Variants in ZNF516 observed in about 807,000 individuals in gnomAD.
ZNF516 encodes the protein zinc finger protein 516.
ZNF516 carries 19 observed loss-of-function variants against 79.7 expected under a neutral mutation model. The ratio of observed to expected loss-of-function variants is 0.24; its 90% CI spans 0.17 to 0.35. The LOEUF (loss-of-function observed/expected upper bound fraction) is 0.35, where lower values mean the gene tolerates loss of function less well. ZNF516 is among the 10% of genes least tolerant of loss of function. ZNF516 has a pLI of 1.00. For missense variants in ZNF516, 1,678 were observed against 1,679.5 expected, an observed-to-expected ratio of 1.00 and a Z score of 0.02; for synonymous variants, 877 against 739.5, an observed-to-expected ratio of 1.19 and a Z score of -3.02.
intron 2 of ZNF516, among the ~76,000 whole-genome samples, chr18:76,452,405 T>TA: frequency 6.6e-6 from 1 of 152,222 alleles, no homozygotes; most frequent in East Asian, 1.9e-4. Context: ...GCCAGCATGC[T>TA]AGTCCCCAAA....
chr18:76,491,191 G>C (rs949033971), intron 1 of ZNF516: 1 of 836,472 alleles, frequency 1.2e-6, no homozygotes, highest in Non-Finnish European at 1.4e-6. Context: ...CCCGGAGCCC[G>C]GTCCACGCCG....
intron 3 of ZNF516, among the ~76,000 whole-genome samples, chr18:76,431,406 T>C (rs115865084): frequency 0.018 from 2,679 of 152,318 alleles, 76 homozygotes; most frequent in African/African-American, 0.059. Context: ...CAGATTCCTT[T>C]AAGAACTGAC....
intron 3 of ZNF516, among the ~76,000 whole-genome samples, chr18:76,434,621 C>G (rs984500983): frequency 2.0e-5 from 3 of 152,226 alleles, no homozygotes; most frequent in African/African-American, 7.2e-5. Flanking sequence ...ACGGCTGTGG[C>G]TGTGGGACAT....
intron 2 of ZNF516, among the ~76,000 whole-genome samples, chr18:76,460,773 A>G (rs1913050884): frequency 6.6e-6 from 1 of 152,206 alleles, no homozygotes. Flanking sequence ...AGCTACAGTG[A>G]AAATAAGAAT....
intron 3 of ZNF516, among the ~76,000 whole-genome samples, chr18:76,409,009 AAAG>A (rs1249992635): frequency 9.2e-5 from 14 of 152,122 alleles, no homozygotes; most frequent in Non-Finnish European, 1.5e-4. Context: ...TTCAGAAAAC[AAAG>A]AAGCTATAAA....
At chr18:76,473,451 C>A (rs1913972844) in intron 1 of ZNF516, among the ~76,000 whole-genome samples, 1 of 148,294 alleles carries the variant, frequency 6.7e-6, no homozygotes, top group Non-Finnish European at 1.5e-5. Context: ...CAAACAAAAG[C>A]AACATGGAAA....
intron 2 of ZNF516, among the ~76,000 whole-genome samples, chr18:76,452,306 T>C (rs1912462959): frequency 1.3e-5 from 2 of 152,068 alleles, no homozygotes; most frequent in Admixed American, 6.6e-5. Flanking sequence ...GAAAACGAGG[T>C]AGAGTGAAGG....
intron 1 of ZNF516, among the ~76,000 whole-genome samples, chr18:76,485,493 G>C (rs919489511): frequency 1.2e-4 from 18 of 152,202 alleles, no homozygotes; most frequent in Non-Finnish European, 1.9e-4. Flanking sequence ...ACGTGTGGAT[G>C]AATAGAAATT....
At chr18:76,432,280 G>A (rs907369376) in intron 3 of ZNF516, among the ~76,000 whole-genome samples, 2 of 152,192 alleles carry the variant, frequency 1.3e-5, no homozygotes, top group Admixed American at 1.3e-4. Context: ...CACCCCATAG[G>A]CCTCTGCCTT....
rs562572451 is a variant in ZNF516, at chr18:76,441,576, G to A, written c.1479C>T (p.Leu493=). ...TGGGGCGCGCGGCCGAGCGGGGATC[G>A]AGGTGGCCGGCGGGCGCGGGGTCCC... ...GPGDPAPAGH[L]DPRSAARPNR... is the part of the protein sequence containing the mutation. The change falls in exon 3 of 7, where the codon CTC becomes CTT. Residue 493 remains leucine (L), a synonymous_variant. Transcript: ENST00000443185. 240 of 1,451,204 alleles carry A rather than the reference G, an allele frequency of 1.7e-4. 1 individual carries two copies. The South Asian group carries it at 2.3e-3, about 14-fold the overall frequency. 89.9% of individuals were successfully genotyped at this position (1,451,204 alleles called of 1,614,324 possible). A position where few individuals can be genotyped will look rare whatever the true frequency, so the allele number is the denominator to read the frequency against.
intron 2 of ZNF516, among the ~76,000 whole-genome samples, chr18:76,449,109 A>C (rs1157694506): frequency 1.3e-5 from 2 of 152,064 alleles, no homozygotes; most frequent in Non-Finnish European, 2.9e-5. Flanking sequence ...TGCACCTCCC[A>C]ACTCACTCTT....
intron 1 of ZNF516, among the ~76,000 whole-genome samples, chr18:76,463,993 C>A (rs747247962): frequency 2.0e-5 from 3 of 152,110 alleles, no homozygotes; most frequent in African/African-American, 7.2e-5. Context: ...CCGTTCTTTA[C>A]GGCACCACGC....
intron 1 of ZNF516, among the ~76,000 whole-genome samples, chr18:76,471,366 A>T (rs1913827319): frequency 6.6e-6 from 1 of 152,198 alleles, no homozygotes; most frequent in South Asian, 2.1e-4. Context: ...ACACCTGGCA[A>T]GAGAGGGCAG....
At chr18:76,488,014 A>G in intron 1 of ZNF516, 1 of 985,410 alleles carries the variant, frequency 1.0e-6, no homozygotes, top group Non-Finnish European at 1.2e-6. Context: ...TCGAACAACC[A>G]AATAATCACT....
chr18:76,486,413 G>A (rs2145811162), intron 1 of ZNF516, among the ~76,000 whole-genome samples: 1 of 152,258 alleles, frequency 6.6e-6, no homozygotes, highest in Admixed American at 6.5e-5. Context: ...CTTTCACATG[G>A]GAAGAGTGGG....
In ZNF516 at chr18:76,493,636, A is replaced by G. The variant is rs1915359730; in HGVS notation, c.-272+1508T>C. 2.0e-5 allele frequency: 3 copies of G among 152,228 alleles called. No homozygotes were observed. 9.4% of individuals were successfully genotyped at this position (152,228 alleles called of 1,614,324 possible). ...TACCTAGCCGGGTTTCAGACCTTAA[A>G]AATAACATCTTTTCCAAAAAGACCT... On this transcript the variant is annotated intron_variant, in intron 1 of 6. Coordinates refer to ENST00000443185, the MANE Select transcript of ZNF516 (RefSeq NM_014643.4). The surrounding 1 kb of genome is among the most constrained non-coding windows in gnomAD (Gnocchi z 5.2).
chr18:76,413,865 T>C (rs2075400921), intron 3 of ZNF516, among the ~76,000 whole-genome samples: 1 of 152,228 alleles, frequency 6.6e-6, no homozygotes, highest in African/African-American at 2.4e-5. Flanking sequence ...ACAGTTCTTA[T>C]GTATTCAAGA....
intron 3 of ZNF516, among the ~76,000 whole-genome samples, chr18:76,433,337 CG>C (rs1266091918): frequency 1.8e-4 from 27 of 152,338 alleles, no homozygotes; most frequent in African/African-American, 6.3e-4. Context: ...CTGTTCTCAG[CG>C]TGAGTCCTGC....
intron 3 of ZNF516, among the ~76,000 whole-genome samples, chr18:76,419,207 C>A (rs8096989): frequency 6.6e-6 from 1 of 152,204 alleles, no homozygotes; most frequent in African/African-American, 2.4e-5. Context: ...GCTGTATACA[C>A]GTGGACAACA....
Sources: gnomAD v4.1 joint callset for allele counts (sites outside exome capture counted in the v4.1 genomes callset) on GRCh38, gnomAD v4.1.1 for gene constraint, Gnocchi (gnomAD v3.1) non-coding constraint, MANE v1.5 for transcripts, NCBI Gene and HGNC (gene_info 2026-07-23, HGNC 2026-07-21) for gene names.